Variants in ERC2 observed in about 807,000 individuals in gnomAD.
The protein encoded by ERC2 is ELKS/RAB6-interacting/CAST family member 2.
In ERC2, 42 loss-of-function variants were observed where a neutral mutation model predicts 114.8. That is an observed-to-expected ratio of 0.37 (90% CI 0.29 to 0.47). The LOEUF is 0.47. Ranked by LOEUF, ERC2 falls within the 20% of genes least tolerant of loss-of-function variation. ERC2 has a pLI of 0.99. For synonymous variants in ERC2, 454 were observed against 425.5 expected, an observed-to-expected ratio of 1.07 and a Z score of -0.82; for missense variants, 939 against 1,150.7, an observed-to-expected ratio of 0.82 and a Z score of 2.66.
chr3:55,567,715 G>A (rs1262586733), intron 17 of ERC2, among the ~76,000 whole-genome samples: 1 of 152,070 alleles, frequency 6.6e-6, no homozygotes, highest in African/African-American at 2.4e-5. Flanking sequence ...GGGTGAGAAG[G>A]CACTGAGAAG....
chr3:56,243,875 A>G (rs887003198), intron 3 of ERC2, among the ~76,000 whole-genome samples: 1 of 152,112 alleles, frequency 6.6e-6, no homozygotes, highest in South Asian at 2.1e-4. Context: ...GAAAAAAACT[A>G]CTTCCCAGGT....
At chr3:56,126,826 G>GAAAGGAAAGA in intron 6 of ERC2, among the ~76,000 whole-genome samples, 1 of 149,680 alleles carries the variant, frequency 6.7e-6, no homozygotes, top group East Asian at 2.0e-4. Flanking sequence ...GAAAGGAAAG[G>GAAAGGAAAGA]AAAGGAAAGG....
In ERC2 at chr3:55,734,737, C is replaced by A. The variant is rs201258459; in HGVS notation, c.2712+34G>T. 3,098 of 1,582,224 alleles carry A rather than the reference C, an allele frequency of 2.0e-3. 3 individuals carry two copies. Among genetic ancestry groups the A allele is most frequent in the Non-Finnish European group, 2.3e-3 (2,711 of 1,164,350 alleles). On this transcript the variant is annotated intron_variant, in intron 15 of 17. Coordinates refer to ENST00000288221, the MANE Select transcript of ERC2 (RefSeq NM_015576.3). ...GAGAAAGCCCCCAAAGCCCCAAACCCAGAAAAACACACCTGTCTTGCAGGA... is the reference window on the plus strand; with the variant it reads ...GAGAAAGCCCCCAAAGCCCCAAACCAAGAAAAACACACCTGTCTTGCAGGA...
rs1559635633 is a variant in ERC2, at chr3:55,775,585, A to AAAT, written c.2565-40668_2565-40667insATT. 9.9e-5 allele frequency among the ~76,000 whole-genome samples: 11 copies of AAAT among 111,002 alleles called. No individual in the cohort carries two copies. The East Asian group carries it at 2.0e-3, about 20-fold the overall frequency. The allele number at this position is 111,002 out of a possible 152,430, so 72.8% of individuals were successfully genotyped here. A position where few individuals can be genotyped will look rare whatever the true frequency, so the allele number is the denominator to read the frequency against. On this transcript the variant is annotated intron_variant, in intron 14 of 17. Transcript: ENST00000288221. ...ATAAATAAATAAATAAATAAATAAA[A>AAAT]AAGGAAAAAGTGAGACAGACAGAGA...
Position 56,434,638 on chromosome 3 carries a change from G to A in ERC2, c.370C>T (p.Leu124=), listed in dbSNP as rs115905929. 9.6e-5 allele frequency: 155 copies of A among 1,613,932 alleles called. No individual in the cohort carries two copies. The highest frequency in any genetic ancestry group is 8.2e-4 in the Middle Eastern group (5 of 6,062). Residue 124 remains leucine (L), a synonymous_variant, in exon 2 of 18, where the codon CTG becomes TTG. Transcript: ENST00000288221. ...VLSYTDQHGG[L]TGSSHHHHHQ... ...TGGTGATGATGGGATGAGCCAGTCA[G>A]CCCACCATGTTGATCTGTGTATGAA...
intron 2 of ERC2, among the ~76,000 whole-genome samples, chr3:56,388,318 T>C (rs780950707): frequency 2.7e-4 from 41 of 152,110 alleles, no homozygotes; most frequent in Non-Finnish European, 4.3e-4. Context: ...GAGTTCGTGC[T>C]AGATCTGGTT....
At chr3:55,723,706 G>C (rs1367430296) in intron 15 of ERC2, among the ~76,000 whole-genome samples, 1 of 152,132 alleles carries the variant, frequency 6.6e-6, no homozygotes, top group Non-Finnish European at 1.5e-5. Context: ...AAAAAATCCT[G>C]ATACTATTAT....
In ERC2 at chr3:56,103,871, T is replaced by G. The variant is rs536996712; in HGVS notation, c.1474-22887A>C. On this transcript the variant is annotated intron_variant, in intron 6 of 17. Transcript: ENST00000288221. ...ACAAGACCTTGGTGTCAAGAGGAGTTTGCCAGGACTTAGAAGAGGTGAGAA... is the reference window on the plus strand; with the variant it reads ...ACAAGACCTTGGTGTCAAGAGGAGTGTGCCAGGACTTAGAAGAGGTGAGAA... 3.0e-4 allele frequency among the ~76,000 whole-genome samples: 45 copies of G among 152,092 alleles called. 1 individual carries two copies. The highest frequency in any genetic ancestry group is 2.8e-3 in the Admixed American group (43 of 15,284).
At chr3:55,751,090 C>T (rs1224651004) in intron 14 of ERC2, among the ~76,000 whole-genome samples, 1 of 152,180 alleles carries the variant, frequency 6.6e-6, no homozygotes, top group East Asian at 1.9e-4. Context: ...CACGTGATTG[C>T]TGCATGTTAC....
intron 3 of ERC2, among the ~76,000 whole-genome samples, chr3:56,280,123 G>A (rs1417326467): frequency 6.6e-6 from 1 of 152,146 alleles, no homozygotes; most frequent in East Asian, 1.9e-4. Flanking sequence ...AGAAGCAAGG[G>A]TCATAAAGAA....
At chr3:55,606,830 C>T (rs1283042046) in intron 17 of ERC2, 2 of 152,408 alleles carry the variant, frequency 1.3e-5, no homozygotes, top group Admixed American at 6.5e-5. Context: ...CTCCCTCCTC[C>T]TCTTCTTCTT....
intron 17 of ERC2, among the ~76,000 whole-genome samples, chr3:55,585,707 G>T (rs2057563365): frequency 6.6e-6 from 1 of 152,160 alleles, no homozygotes; most frequent in Non-Finnish European, 1.5e-5. Context: ...CCAGGCCAAG[G>T]GTAAGGCTAC....
At chr3:55,615,843 T>C (rs1048504187) in intron 17 of ERC2, among the ~76,000 whole-genome samples, 1 of 152,232 alleles carries the variant, frequency 6.6e-6, no homozygotes, top group Non-Finnish European at 1.5e-5. Context: ...ACCTGCTGAC[T>C]GCCTGCCGAG....
rs557568611 is a variant in ERC2 at position 55,509,002 on chromosome 3, T to C, written c.*2314A>G. On this transcript the variant is annotated 3_prime_UTR_variant, in exon 18 of 18. Transcript: ENST00000288221. ...AAACCCAGAGACTATTCTTAATATG[T>C]GAAAAAGGGATATTTTTGGTAACCC... 6.6e-6 allele frequency: 1 copy of C among 152,590 alleles called. No homozygotes were observed. Among genetic ancestry groups the C allele is most frequent in the Non-Finnish European group, 1.5e-5 (1 of 68,008 alleles). 9.5% of individuals were successfully genotyped at this position (152,590 alleles called of 1,614,324 possible).
intron 6 of ERC2, among the ~76,000 whole-genome samples, chr3:56,135,124 T>C (rs1381199767): frequency 6.6e-6 from 1 of 152,020 alleles, no homozygotes; most frequent in Non-Finnish European, 1.5e-5. Context: ...AGCTAATTTT[T>C]GTATTATTAG....
At chr3:55,886,377 G>A (rs1433186250) in intron 14 of ERC2, among the ~76,000 whole-genome samples, 1 of 152,074 alleles carries the variant, frequency 6.6e-6, no homozygotes, top group Non-Finnish European at 1.5e-5. Flanking sequence ...AATGAAGGTG[G>A]AAGCATATGC....
At chr3:56,244,067 A>G (rs1017616349) in intron 3 of ERC2, among the ~76,000 whole-genome samples, 3 of 152,190 alleles carry the variant, frequency 2.0e-5, no homozygotes, top group Admixed American at 6.5e-5. Context: ...TATTAAATAT[A>G]GATACAGTCA....
chr3:55,785,115 A>G (rs1298271946), intron 14 of ERC2, among the ~76,000 whole-genome samples: 1 of 152,220 alleles, frequency 6.6e-6, no homozygotes, highest in African/African-American at 2.4e-5. Context: ...ATCATTAGAT[A>G]TAGGCCTTGA....
intron 2 of ERC2, among the ~76,000 whole-genome samples, chr3:56,313,087 C>A (rs2056687662): frequency 1.6e-5 from 2 of 121,708 alleles, no homozygotes; most frequent in African/African-American, 6.2e-5. Context: ...TATGCCATAC[C>A]CCATAAACAA....
Sources: allele counts gnomAD v4.1 joint callset (sites outside exome capture counted in the v4.1 genomes callset), GRCh38; gene constraint gnomAD v4.1.1; transcripts MANE v1.5; gene names NCBI Gene and HGNC (gene_info 2026-07-23, HGNC 2026-07-21).